Variants in INVS observed in about 807,000 individuals in gnomAD.
INVS encodes the protein inversin.
In INVS, 86 loss-of-function variants were observed where a neutral mutation model predicts 108.8. That is an observed-to-expected ratio of 0.79 (90% CI 0.66 to 0.95). INVS has a LOEUF of 0.95. Among genes scored for constraint, INVS ranks in the 40% least tolerant of loss-of-function variants. The probability of loss-of-function intolerance (pLI) is 0.00; values close to 1 mark genes in which losing one functional copy is unlikely to be tolerated. For synonymous variants in INVS, 455 were observed against 473.5 expected (o/e 0.96, Z 0.51); for missense variants, 1,169 against 1,297.4 (o/e 0.90, Z 1.52).
At chr9:100,167,137 A>T (rs748028495) in intron 3 of INVS, among the ~76,000 whole-genome samples, 51 of 152,040 alleles carry the variant, frequency 3.4e-4, no homozygotes, top group Non-Finnish European at 3.5e-4. Flanking sequence ...AGGCTGGGGT[A>T]CAAGAATCAC....
At chr9:100,298,678 A>T (rs995702667) in intron 16 of INVS, among the ~76,000 whole-genome samples, 1 of 152,190 alleles carries the variant, frequency 6.6e-6, no homozygotes, top group East Asian at 1.9e-4. Flanking sequence ...AAGGTGAACA[A>T]TGACTGTCAG....
intron 9 of INVS, 109 bp from the exon 10 acceptor site, chr9:100,252,798 C>T: frequency 7.6e-6 from 6 of 791,276 alleles, no homozygotes; most frequent in South Asian, 3.1e-5. Context: ...TGTTTTTCTT[C>T]TATTCATTTT....
chr9:100,199,686 T>A (rs931861093), intron 3 of INVS, among the ~76,000 whole-genome samples: 1 of 152,206 alleles, frequency 6.6e-6, no homozygotes, highest in Non-Finnish European at 1.5e-5. Flanking sequence ...CCATCATCCC[T>A]GTTGTTCCTA....
intron 10 of INVS, among the ~76,000 whole-genome samples, chr9:100,259,538 G>A (rs1235072283): frequency 1.3e-5 from 2 of 149,406 alleles, no homozygotes; most frequent in African/African-American, 2.5e-5. Flanking sequence ...TTCCTGTTTG[G>A]CCATCTTGGA....
chr9:100,173,922 G>A (rs1829626192), intron 3 of INVS, among the ~76,000 whole-genome samples: 1 of 152,218 alleles, frequency 6.6e-6, no homozygotes, highest in Non-Finnish European at 1.5e-5. Flanking sequence ...GCCTGCCTAT[G>A]CAGGAAAAAC....
intron 3 of INVS, among the ~76,000 whole-genome samples, chr9:100,222,708 C>A (rs1220182558): frequency 6.6e-6 from 1 of 151,864 alleles, no homozygotes; most frequent in Admixed American, 6.6e-5. Flanking sequence ...GATTGAATAT[C>A]TTTAAAGGTC....
chr9:100,213,016 G>T (rs769523295), intron 3 of INVS, among the ~76,000 whole-genome samples: 4 of 152,030 alleles, frequency 2.6e-5, no homozygotes, highest in Non-Finnish European at 5.9e-5. Context: ...CCTGCTTCCT[G>T]GTTCATAGAT....
intron 3 of INVS, among the ~76,000 whole-genome samples, chr9:100,220,169 C>T (rs1831102569): frequency 6.6e-6 from 1 of 151,996 alleles, no homozygotes; most frequent in South Asian, 2.1e-4. Context: ...GAGAACTGGA[C>T]AGACACAAAT....
chr9:100,282,388 C>T (rs1833306325), intron 12 of INVS, among the ~76,000 whole-genome samples: 2 of 152,062 alleles, frequency 1.3e-5, no homozygotes, highest in South Asian at 4.2e-4. Flanking sequence ...GTTAGCACGA[C>T]CCATCTGGCC....
intron 2 of INVS, 151 bp downstream of exon 2, chr9:100,104,778 G>GA (rs1303525415): frequency 1.4e-6 from 1 of 702,566 alleles, no homozygotes; most frequent in East Asian, 2.8e-5. Context: ...AACAAGAAAG[G>GA]AATTAAGTCC....
chr9:100,192,883 T>A (rs558386942), intron 3 of INVS, among the ~76,000 whole-genome samples: 67 of 152,240 alleles, frequency 4.4e-4, no homozygotes, highest in African/African-American at 1.5e-3. Flanking sequence ...CCTTTACCCA[T>A]TTTTTTCTGT....
At chr9:100,179,809 G>C (rs2119067515) in intron 3 of INVS, among the ~76,000 whole-genome samples, 1 of 152,214 alleles carries the variant, frequency 6.6e-6, no homozygotes, top group Non-Finnish European at 1.5e-5. Context: ...AACATCTACA[G>C]AACTCTCCAC....
intron 16 of INVS, among the ~76,000 whole-genome samples, chr9:100,299,679 CA>C: frequency 8.5e-6 from 1 of 117,898 alleles, no homozygotes; most frequent in South Asian, 3.1e-4. Context: ...CACACACACA[CA>C]CCTGGGCCTA....
At position 100,297,089 on chromosome 9, in the gene INVS, T is replaced by A; in HGVS notation, c.2959T>A (p.Ser987Thr). The stretch of plus-strand genomic sequence containing the variant: ...AGTAAGCAAGGCCCCCAAGAGTCCA[T>A]CCAAGGGCACCTCAGGCACAAAGTC... ...TAVSKAPKSPSKGTSGTKSTK... is the reference protein window; with the variant it reads ...TAVSKAPKSPTKGTSGTKSTK... Residue 987 changes from serine to threonine, a missense_variant, in exon 15 of 17, where the codon TCC (serine) becomes ACC (threonine). By Grantham distance (58) the Ser-to-Thr change is moderately conservative. This residue lies in a region of INVS where 533 missense variants were observed against 536.0 expected (regional missense o/e 0.99). Transcript: ENST00000262457. 2 of 1,613,974 alleles carry A rather than the reference T, an allele frequency of 1.2e-6. No homozygotes were observed. Among genetic ancestry groups the A allele is most frequent in the Non-Finnish European group, 1.7e-6 (2 of 1,179,964 alleles).
At chr9:100,276,915 T>C (rs2787382) in intron 12 of INVS, among the ~76,000 whole-genome samples, 79,427 of 152,068 alleles carry the variant, frequency 0.52, 21,654 homozygotes, top group African/African-American at 0.57. Context: ...ACCCTCTCAC[T>C]TGATGTCTCA....
At chr9:100,296,146 T>C (rs1833785088) in intron 14 of INVS, among the ~76,000 whole-genome samples, 1 of 152,212 alleles carries the variant, frequency 6.6e-6, no homozygotes, top group Non-Finnish European at 1.5e-5. Flanking sequence ...TGAAGCCTGT[T>C]GCTCTCTGCA....
Position 100,104,618 on chromosome 9 carries a change from C to A in INVS, c.97C>A (p.Leu33Ile). ...VNGDKGALQR[L>I]IVGNSALKDK... The stretch of plus-strand genomic sequence containing the variant: ...TGGAGATAAGGGTGCTCTACAGAGG[C>A]TCATCGTAGGTAAGCAGTCCCCTTA... Residue 33 changes from leucine (L) to isoleucine (I), a missense_variant, in exon 2 of 17, where the codon CTC (leucine) becomes ATC (isoleucine). Around this residue, in one of 3 missense-constraint regions of INVS, gnomAD observed 365 missense variants for 397.5 expected, o/e 0.92. Transcript: ENST00000262457. The A allele has an allele frequency of 6.2e-7, 1 of 1,611,346 alleles. No individual in the cohort carries two copies. Among genetic ancestry groups the A allele is most frequent in the Non-Finnish European group, 8.5e-7 (1 of 1,177,470 alleles).
chr9:100,293,966 G>A (rs935421436), intron 14 of INVS, among the ~76,000 whole-genome samples: 21 of 152,190 alleles, frequency 1.4e-4, no homozygotes, highest in African/African-American at 3.4e-4. Context: ...GTTATGAGAC[G>A]AGACCACCCC....
At chr9:100,148,756 T>G (rs1828710651) in intron 3 of INVS, among the ~76,000 whole-genome samples, 1 of 152,322 alleles carries the variant, frequency 6.6e-6, no homozygotes, top group South Asian at 2.1e-4. Flanking sequence ...TCACATCCAT[T>G]CTTTATATAT....
Sources: allele counts gnomAD v4.1 joint callset (sites outside exome capture counted in the v4.1 genomes callset), GRCh38; gene constraint gnomAD v4.1.1; regional missense constraint gnomAD v4.1.1; transcripts MANE v1.5; gene names NCBI Gene and HGNC (gene_info 2026-07-23, HGNC 2026-07-21).